ARHGAP39: variants seen among roughly 807,000 people sequenced by gnomAD.
The protein encoded by ARHGAP39 is Rho GTPase activating protein 39.
In ARHGAP39, 44 loss-of-function variants were observed where a neutral mutation model predicts 106.9. The observed-to-expected ratio is 0.41, with a 90% confidence interval of 0.32 to 0.53. ARHGAP39 has a LOEUF of 0.53. ARHGAP39 is among the 20% of genes least tolerant of loss of function. ARHGAP39 has a pLI of 0.21. For synonymous variants in ARHGAP39, 768 were observed against 693.2 expected, an observed-to-expected ratio of 1.11 and a Z score of -1.69; for missense variants, 1,496 against 1,577.3, an observed-to-expected ratio of 0.95 and a Z score of 0.87.
intron 1 of ARHGAP39, among the ~76,000 whole-genome samples, chr8:144,642,005 T>C (rs1185538474): frequency 6.6e-6 from 1 of 152,230 alleles, no homozygotes; most frequent in East Asian, 1.9e-4. Context: ...CAGATGTATG[T>C]TGCTTTAAGA....
intron 1 of ARHGAP39, among the ~76,000 whole-genome samples, chr8:144,652,027 C>T (rs1821586062): frequency 6.6e-6 from 1 of 152,044 alleles, no homozygotes; most frequent in Non-Finnish European, 1.5e-5. Flanking sequence ...GATTTCATAA[C>T]ACAGATACAA....
At chr8:144,534,991 AGAT>A (rs1816895334) in intron 7 of ARHGAP39, among the ~76,000 whole-genome samples, 1 of 152,220 alleles carries the variant, frequency 6.6e-6, no homozygotes, top group Non-Finnish European at 1.5e-5. Flanking sequence ...GGGAAGCAGC[AGAT>A]GAGAGAACAC....
Position 144,604,293 on chromosome 8 carries a change from T to C in ARHGAP39, c.80+1242A>G, listed in dbSNP as rs1820201111. Among the ~76,000 whole-genome samples, 1 of 152,180 alleles carries C rather than the reference T, an allele frequency of 6.6e-6. No individual in the cohort carries two copies. The highest frequency in any genetic ancestry group is 1.5e-5 in the Non-Finnish European group (1 of 68,032). ...GCAGATGGACAGCAGTGTCTGCAGA[T>C]GCGGGGCCCGGGAGGACCCAACACC... is the stretch of plus-strand genomic sequence containing the variant. On this transcript the variant is annotated intron_variant, in intron 2 of 11. Coordinates refer to ENST00000377307, the MANE Select transcript of ARHGAP39 (RefSeq NM_025251.3). The surrounding 1 kb of genome is among the most constrained non-coding windows in gnomAD (Gnocchi z 4.1).
Position 144,547,503 on chromosome 8 carries a change from G to GGGGGCTGTTCCTCGGCCA in ARHGAP39, c.1565_1582dup (p.Leu522_Pro527dup). 6.6e-7 allele frequency: 1 copy of GGGGGCTGTTCCTCGGCCA among 1,504,388 alleles called. No individual in the cohort carries two copies. The highest frequency in any genetic ancestry group is 2.1e-5 in the Admixed American group (1 of 48,272). The allele number at this position is 1,504,388 out of a possible 1,614,324, so 93.2% of individuals were successfully genotyped here. The stretch of plus-strand genomic sequence containing the variant: ...CACGGGGGCGAGGCTGGTCCCGCAC[G>GGGGGCTGTTCCTCGGCCA]GGGGCTGTTCCTCGGCCAGGGGCTG... On this transcript the variant is annotated inframe_insertion, in exon 5 of 12. Coordinates refer to ENST00000377307, the MANE Select transcript of ARHGAP39 (RefSeq NM_025251.3). The surrounding 1 kb of genome is among the most constrained non-coding windows in gnomAD (Gnocchi z 5.2).
At chr8:144,574,149 G>GAAAAAAAAAAAAA (rs35193383) in intron 3 of ARHGAP39, among the ~76,000 whole-genome samples, 1 of 107,298 alleles carries the variant, frequency 9.3e-6, no homozygotes. Context: ...CTGGGTGACA[G>GAAAAAAAAAAAAA]AAAAAAAAAA....
chr8:144,675,480 T>C (rs1392674834), intron 1 of ARHGAP39, among the ~76,000 whole-genome samples: 3 of 152,108 alleles, frequency 2.0e-5, no homozygotes, highest in Non-Finnish European at 2.9e-5. Context: ...ACTTCAGGAG[T>C]GAAACTGCAG....
Position 144,673,558 on chromosome 8 carries a change from GC to G in ARHGAP39, c.-82+12127del, listed in dbSNP as rs1822155642. Among the ~76,000 whole-genome samples, 4 of 152,254 alleles carry G rather than the reference GC, an allele frequency of 2.6e-5. No individual in the cohort carries two copies. In the South Asian group the frequency reaches 8.3e-4, roughly 32 times the overall value. On this transcript the variant is annotated intron_variant, in intron 1 of 11. Coordinates refer to ENST00000377307, the MANE Select transcript of ARHGAP39 (RefSeq NM_025251.3). ...CTTGGCTGTCATCCCCTAGCCCTTGGCAACCACTAATCTACTTTCTATCTCT... is the reference window on the plus strand; with the variant it reads ...CTTGGCTGTCATCCCCTAGCCCTTGGAACCACTAATCTACTTTCTATCTCT...
intron 6 of ARHGAP39, among the ~76,000 whole-genome samples, chr8:144,543,639 C>T (rs1367649830): frequency 1.3e-5 from 2 of 152,260 alleles, no homozygotes; most frequent in Non-Finnish European, 2.9e-5. Context: ...CAGGCTGAAG[C>T]CTGATTCCTT....
At chr8:144,602,798 A>G (rs528863643) in intron 2 of ARHGAP39, among the ~76,000 whole-genome samples, 2 of 72,560 alleles carry the variant, frequency 2.8e-5, no homozygotes, top group Admixed American at 3.5e-4. Context: ...GTGTGTGTGC[A>G]TGTGCATGGA....
In ARHGAP39 at chr8:144,532,285, A is replaced by G; in HGVS notation, c.2980+20T>C. ...GCCTGAGCCAGGCCCGCTCTGCTGC[A>G]GCGTGTGTGGGGGACTCACCAGGGA... On this transcript the variant is annotated intron_variant, in intron 10 of 11. Coordinates refer to ENST00000377307, the MANE Select transcript of ARHGAP39 (RefSeq NM_025251.3). 6.2e-7 allele frequency: 1 copy of G among 1,610,934 alleles called. No individual in the cohort carries two copies. The highest frequency in any genetic ancestry group is 1.3e-5 in the African/African-American group (1 of 74,958).
chr8:144,549,868 C>A (rs887266049), intron 4 of ARHGAP39, among the ~76,000 whole-genome samples: 1 of 152,252 alleles, frequency 6.6e-6, no homozygotes, highest in African/African-American at 2.4e-5. Context: ...TTCTTCTCAA[C>A]TGCCTTCCAG....
At chr8:144,629,112 C>A (rs1820998321) in intron 1 of ARHGAP39, among the ~76,000 whole-genome samples, 1 of 152,222 alleles carries the variant, frequency 6.6e-6, no homozygotes, top group African/African-American at 2.4e-5. Context: ...TCTGTAGGTT[C>A]ACAAAGTGCA....
chr8:144,639,612 T>C (rs990781551), intron 1 of ARHGAP39, among the ~76,000 whole-genome samples: 6 of 152,052 alleles, frequency 3.9e-5, no homozygotes, highest in African/African-American at 1.4e-4. Context: ...AATTTTGTAT[T>C]TACATCAAGA....
At chr8:144,576,983 A>G (rs981090158) in intron 3 of ARHGAP39, among the ~76,000 whole-genome samples, 5 of 152,238 alleles carry the variant, frequency 3.3e-5, no homozygotes, top group Admixed American at 2.0e-4. Context: ...TGCCATTTAA[A>G]CCATAAACCA....
chr8:144,699,037 T>G, the ARHGAP39 span: 1 of 368,220 alleles, frequency 2.7e-6, no homozygotes, highest in African/African-American at 2.1e-5. Flanking sequence ...GTCCTGGAGT[T>G]CCAGGGCTTC....
chr8:144,667,969 T>C (rs1011925904), intron 1 of ARHGAP39, among the ~76,000 whole-genome samples: 1 of 152,056 alleles, frequency 6.6e-6, no homozygotes, highest in Non-Finnish European at 1.5e-5. Flanking sequence ...GTTCAAACCA[T>C]TGGGCGAGCT....
rs1816566856 is a variant in ARHGAP39, at chr8:144,529,547, G to T, written c.*875C>A. 1 of 152,076 alleles carries T rather than the reference G, an allele frequency of 6.6e-6. No individual in the cohort carries two copies. The highest frequency in any genetic ancestry group is 6.6e-5 in the Admixed American group (1 of 15,258). The allele number at this position is 152,076 out of a possible 1,614,324, so 9.4% of individuals were successfully genotyped here. On this transcript the variant is annotated 3_prime_UTR_variant, in exon 12 of 12. Transcript: ENST00000377307. ...GGGGATGGGGTAGAGCTTGGTTTTT[G>T]GTCAGAAGCCAAGAAAAAAGATCGG... is the stretch of plus-strand genomic sequence containing the variant.
At chr8:144,608,018 G>A (rs917258788) in intron 1 of ARHGAP39, among the ~76,000 whole-genome samples, 8 of 151,932 alleles carry the variant, frequency 5.3e-5, no homozygotes, top group Admixed American at 2.6e-4. Flanking sequence ...TTAGCCAGGC[G>A]TGGCAGCATG....
rs1222129956 is a variant in ARHGAP39, at chr8:144,645,020, C to G, written c.-81-39325G>C. 6.6e-6 allele frequency among the ~76,000 whole-genome samples: 1 copy of G among 152,224 alleles called. No individual in the cohort carries two copies. The highest frequency in any genetic ancestry group is 1.5e-5 in the Non-Finnish European group (1 of 68,052). Reference sequence around the variant, plus strand: ...GGGTGGCAGGTGACAGGCGCTGGGCCACGGCAGAGAGCACATGTCAACCGC... The same window carrying G: ...GGGTGGCAGGTGACAGGCGCTGGGCGACGGCAGAGAGCACATGTCAACCGC... On this transcript the variant is annotated intron_variant, in intron 1 of 11. Coordinates refer to ENST00000377307, the MANE Select transcript of ARHGAP39 (RefSeq NM_025251.3). This position sits in a 1 kb window ranked among gnomAD's most constrained non-coding sequence, Gnocchi z 4.4.
Sources: gnomAD v4.1 joint callset for allele counts (sites outside exome capture counted in the v4.1 genomes callset) on GRCh38, gnomAD v4.1.1 for gene constraint, Gnocchi (gnomAD v3.1) non-coding constraint, MANE v1.5 for transcripts, NCBI Gene and HGNC (gene_info 2026-07-23, HGNC 2026-07-21) for gene names.